Variants in ZBTB7C observed in about 807,000 individuals in gnomAD.
ZBTB7C encodes the protein zinc finger and BTB domain containing 7C, also known as zinc finger and BTB domain-containing protein 7C.
In ZBTB7C, 8 loss-of-function variants were observed where a neutral mutation model predicts 25.7. The ratio of observed to expected loss-of-function variants is 0.31; its 90% CI spans 0.18 to 0.56. The LOEUF (loss-of-function observed/expected upper bound fraction) is 0.56, where lower values mean the gene tolerates loss of function less well. Among genes scored for constraint, ZBTB7C ranks in the 20% least tolerant of loss-of-function variants. The pLI is 0.91. For synonymous variants in ZBTB7C, 394 were observed against 369.0 expected (o/e 1.07, Z -0.78); for missense variants, 824 against 855.2 (o/e 0.96, Z 0.46).
chr18:48,123,117 C>T (rs1056910265), intron 3 of ZBTB7C, among the ~76,000 whole-genome samples: 1 of 152,136 alleles, frequency 6.6e-6, no homozygotes, highest in Non-Finnish European at 1.5e-5. Context: ...AGCAAGCAAG[C>T]CTGATGCCTA....
chr18:48,326,899 T>C (rs1480540040), intron 2 of ZBTB7C, among the ~76,000 whole-genome samples: 3 of 152,228 alleles, frequency 2.0e-5, no homozygotes, highest in African/African-American at 7.2e-5. Context: ...TCAAAAATTC[T>C]AATCCAACTA....
chr18:48,379,390 G>T (rs369275055), intron 1 of ZBTB7C, among the ~76,000 whole-genome samples: 1 of 152,080 alleles, frequency 6.6e-6, no homozygotes, highest in Non-Finnish European at 1.5e-5. Flanking sequence ...TATCTACAGG[G>T]ATTTTGACTG....
At chr18:48,121,396 ACT>A (rs1352738762) in intron 3 of ZBTB7C, among the ~76,000 whole-genome samples, 1 of 99,846 alleles carries the variant, frequency 1.0e-5, no homozygotes, top group African/African-American at 5.0e-5. Flanking sequence ...TTGGCTTAAT[ACT>A]CTTTTTTTTT....
chr18:48,035,006 T>G (rs1384869264), intron 4 of ZBTB7C, among the ~76,000 whole-genome samples: 1 of 152,210 alleles, frequency 6.6e-6, no homozygotes, highest in Non-Finnish European at 1.5e-5. Flanking sequence ...AGACACACTC[T>G]TCCTGCTACC....
intron 2 of ZBTB7C, among the ~76,000 whole-genome samples, chr18:48,333,092 A>T (rs2046377864): frequency 1.3e-5 from 2 of 152,280 alleles, no homozygotes; most frequent in South Asian, 4.1e-4. Flanking sequence ...CCCAAATTAG[A>T]AACTAATTAA....
intron 2 of ZBTB7C, among the ~76,000 whole-genome samples, chr18:48,325,688 T>C (rs2046201301): frequency 6.6e-6 from 1 of 152,222 alleles, no homozygotes. Flanking sequence ...ATCCAAGGCC[T>C]GAGGATTTCA....
chr18:48,345,113 C>T (rs540638406), intron 1 of ZBTB7C, among the ~76,000 whole-genome samples: 6 of 152,182 alleles, frequency 3.9e-5, no homozygotes, highest in Non-Finnish European at 7.3e-5. Flanking sequence ...AAGGGTCCAG[C>T]GCTTTGGAAG....
intron 2 of ZBTB7C, among the ~76,000 whole-genome samples, chr18:48,254,510 C>G (rs749267659): frequency 6.6e-6 from 1 of 152,156 alleles, no homozygotes; most frequent in Non-Finnish European, 1.5e-5. Context: ...TGCAGTCCGC[C>G]GCTTTTCCCT....
At chr18:48,098,206 T>C (rs549979191) in intron 3 of ZBTB7C, among the ~76,000 whole-genome samples, 2 of 152,162 alleles carry the variant, frequency 1.3e-5, no homozygotes, top group East Asian at 3.9e-4. Flanking sequence ...GAACAATGAG[T>C]GGATTTCCCC....
At chr18:48,362,877 C>A (rs182367130) in intron 1 of ZBTB7C, among the ~76,000 whole-genome samples, 5 of 152,290 alleles carry the variant, frequency 3.3e-5, no homozygotes, top group African/African-American at 1.2e-4. Context: ...TACCAGGACA[C>A]AACTGAGAAC....
chr18:48,198,391 G>T (rs895047318), intron 2 of ZBTB7C, among the ~76,000 whole-genome samples: 6 of 152,124 alleles, frequency 3.9e-5, no homozygotes, highest in Non-Finnish European at 7.4e-5. Context: ...CAAACCAAGT[G>T]GCATAAGACA....
At chr18:48,228,284 C>A (rs1000299401) in intron 2 of ZBTB7C, among the ~76,000 whole-genome samples, 1 of 152,158 alleles carries the variant, frequency 6.6e-6, no homozygotes, top group Non-Finnish European at 1.5e-5. Flanking sequence ...ATGGGAGAGG[C>A]AGACTACGAG....
chr18:48,045,413 A>C (rs61477787), intron 3 of ZBTB7C, among the ~76,000 whole-genome samples: 35,848 of 152,166 alleles, frequency 0.24, 4,481 homozygotes, highest in East Asian at 0.41. Flanking sequence ...GCTGTGGCTC[A>C]ATCAGCCTTT....
intron 2 of ZBTB7C, among the ~76,000 whole-genome samples, chr18:48,188,231 T>A (rs1387091454): frequency 2.0e-5 from 3 of 152,174 alleles, no homozygotes; most frequent in African/African-American, 7.2e-5. Flanking sequence ...AATAAAGACA[T>A]ACCCGAGACT....
rs779356155 is a variant in ZBTB7C at position 48,040,154 on chromosome 18, C to G, written c.954G>C (p.Pro318=). 5 of 1,578,476 alleles carry G rather than the reference C, an allele frequency of 3.2e-6. No homozygotes were observed. In the East Asian group the frequency reaches 9.0e-5, roughly 28 times the overall value. ...DFFKDMFPDL[P]GGPLGPIKAE... is the part of the protein sequence containing the mutation. ...CCTTGATGGGTCCCAGAGGCCCCCC[C>G]GGCAGGTCAGGGAACATGTCCTTGA... Residue 318 remains proline, a synonymous_variant, in exon 4 of 5, where the codon CCG becomes CCC. Transcript: ENST00000590800.
intron 3 of ZBTB7C, among the ~76,000 whole-genome samples, chr18:48,156,073 T>C (rs573800908): frequency 1.1e-4 from 16 of 152,348 alleles, no homozygotes; most frequent in African/African-American, 3.6e-4. Context: ...TGTAGGAACG[T>C]GTGCATTTAT....
At chr18:48,151,338 A>C (rs1011161591) in intron 3 of ZBTB7C, among the ~76,000 whole-genome samples, 1 of 152,216 alleles carries the variant, frequency 6.6e-6, no homozygotes, top group African/African-American at 2.4e-5. Flanking sequence ...GAGCATCCTT[A>C]GACATACTGC....
intron 3 of ZBTB7C, among the ~76,000 whole-genome samples, chr18:48,160,935 GTTTTT>G (rs59824886): frequency 7.3e-6 from 1 of 136,894 alleles, no homozygotes; most frequent in Non-Finnish European, 1.6e-5. Flanking sequence ...TTTGAGACAA[GTTTTT>G]TTTTTTTTTT....
intron 2 of ZBTB7C, among the ~76,000 whole-genome samples, chr18:48,328,480 T>C (rs2046274806): frequency 6.6e-6 from 1 of 152,240 alleles, no homozygotes; most frequent in Admixed American, 6.5e-5. Flanking sequence ...TTTTGTAATT[T>C]GAACAAAGAT....
Sources: gnomAD v4.1 joint callset for allele counts (sites outside exome capture counted in the v4.1 genomes callset) on GRCh38, gnomAD v4.1.1 for gene constraint, MANE v1.5 for transcripts, NCBI Gene and HGNC (gene_info 2026-07-23, HGNC 2026-07-21) for gene names.